Variants in CSMD1 observed in about 807,000 individuals in gnomAD.
CSMD1 encodes the protein CUB and Sushi multiple domains 1.
Under a neutral mutation model 417.5 loss-of-function variants are expected in CSMD1, and 213 were observed. That is an observed-to-expected ratio of 0.51 (90% CI 0.46 to 0.57). CSMD1 has a LOEUF of 0.57. Ranked by LOEUF, CSMD1 falls within the 20% of genes least tolerant of loss-of-function variation. The probability of loss-of-function intolerance (pLI) is 0.00; values close to 1 mark genes in which losing one functional copy is unlikely to be tolerated. For missense variants in CSMD1, 6,923 were observed against 4,529.7 expected (o/e 1.53, Z -15.17); for synonymous variants, 2,862 against 1,736.8 (o/e 1.65, Z -16.11).
intron 2 of CSMD1, among the ~76,000 whole-genome samples, chr8:4,520,236 C>G (rs1803366709): frequency 1.3e-5 from 2 of 152,010 alleles, no homozygotes; most frequent in African/African-American, 2.4e-5. Flanking sequence ...CTTATTTTAC[C>G]TGGGCTTTTG....
intron 4 of CSMD1, among the ~76,000 whole-genome samples, chr8:4,021,214 T>C (rs1362800290): frequency 6.6e-6 from 1 of 152,240 alleles, no homozygotes; most frequent in East Asian, 1.9e-4. Context: ...CACATCAGAT[T>C]TTGAAACTAG....
intron 3 of CSMD1, among the ~76,000 whole-genome samples, chr8:4,077,468 T>C (rs1032364612): frequency 1.3e-5 from 2 of 151,970 alleles, no homozygotes; most frequent in East Asian, 1.9e-4. Flanking sequence ...TACTCTTAAA[T>C]GTCTAGTTGA....
At chr8:4,222,952 A>T (rs1479469618) in intron 3 of CSMD1, among the ~76,000 whole-genome samples, 1 of 152,222 alleles carries the variant, frequency 6.6e-6, no homozygotes, top group African/African-American at 2.4e-5. Flanking sequence ...CATTTCTTAA[A>T]AAAAAAATAA....
At chr8:3,073,469 T>G (rs1418453009) in intron 49 of CSMD1, among the ~76,000 whole-genome samples, 2 of 152,176 alleles carry the variant, frequency 1.3e-5, no homozygotes, top group African/African-American at 4.8e-5. Flanking sequence ...AGATTCACTC[T>G]AGAATAGGAA....
intron 1 of CSMD1, among the ~76,000 whole-genome samples, chr8:4,870,408 A>T (rs541744782): frequency 6.6e-6 from 1 of 152,262 alleles, no homozygotes; most frequent in South Asian, 2.1e-4. Flanking sequence ...GCTAGACCTC[A>T]ATTTTCTTAA....
chr8:3,521,866 C>T (rs916367293), intron 10 of CSMD1, among the ~76,000 whole-genome samples: 11 of 152,130 alleles, frequency 7.2e-5, no homozygotes, highest in Non-Finnish European at 1.0e-4. Flanking sequence ...TCTAATACCG[C>T]GGAACAGTTT....
chr8:4,593,502 G>C (rs1403412827), intron 2 of CSMD1, among the ~76,000 whole-genome samples: 1 of 151,932 alleles, frequency 6.6e-6, no homozygotes, highest in Admixed American at 6.6e-5. Flanking sequence ...TTAGAGTCTT[G>C]GATTATTTTT....
chr8:4,539,492 C>T (rs1196423046), intron 2 of CSMD1, among the ~76,000 whole-genome samples: 1 of 152,112 alleles, frequency 6.6e-6, no homozygotes, highest in African/African-American at 2.4e-5. Flanking sequence ...AAATATCTTT[C>T]CCCCAAAATC....
chr8:3,489,289 C>T (rs895720886), intron 11 of CSMD1, among the ~76,000 whole-genome samples: 2 of 152,182 alleles, frequency 1.3e-5, no homozygotes, highest in Non-Finnish European at 2.9e-5. Context: ...ATCCACACAT[C>T]TGGTTAGGCA....
chr8:3,844,205 G>A (rs1187212494), intron 5 of CSMD1, among the ~76,000 whole-genome samples: 1 of 152,170 alleles, frequency 6.6e-6, no homozygotes. Flanking sequence ...TAAGAAGGGT[G>A]TTGAAGAATG....
At chr8:3,000,996 T>C (rs1360817129) in intron 52 of CSMD1, among the ~76,000 whole-genome samples, 1 of 151,976 alleles carries the variant, frequency 6.6e-6, no homozygotes, top group Non-Finnish European at 1.5e-5. Flanking sequence ...TTCTTTTTTT[T>C]TTTGGCAGGG....
At chr8:4,032,819 T>A (rs1197513575) in intron 3 of CSMD1, among the ~76,000 whole-genome samples, 2 of 152,208 alleles carry the variant, frequency 1.3e-5, no homozygotes, top group Non-Finnish European at 2.9e-5. Context: ...GTCAACCATC[T>A]GAATGGACAC....
chr8:4,466,320 A>C (rs1800166110), intron 2 of CSMD1, among the ~76,000 whole-genome samples: 1 of 152,130 alleles, frequency 6.6e-6, no homozygotes, highest in African/African-American at 2.4e-5. Flanking sequence ...CAGAAGAGGG[A>C]AGAAAGAAAG....
At chr8:3,618,550 A>G (rs1802258876) in intron 7 of CSMD1, among the ~76,000 whole-genome samples, 1 of 152,054 alleles carries the variant, frequency 6.6e-6, no homozygotes, top group East Asian at 1.9e-4. Context: ...TATTTTCTAA[A>G]TGTTTAATTT....
intron 5 of CSMD1, among the ~76,000 whole-genome samples, chr8:3,992,056 T>C (rs1251177651): frequency 2.6e-5 from 4 of 151,984 alleles, no homozygotes; most frequent in East Asian, 3.9e-4. Context: ...TACAATATCA[T>C]GTTAATTATA....
At chr8:3,260,116 C>T (rs1220844520) in intron 26 of CSMD1, among the ~76,000 whole-genome samples, 3 of 152,144 alleles carry the variant, frequency 2.0e-5, no homozygotes, top group African/African-American at 4.8e-5. Context: ...ATGTATATGG[C>T]ATTTCCCTTA....
intron 3 of CSMD1, among the ~76,000 whole-genome samples, chr8:4,159,780 G>C (rs979924673): frequency 1.1e-4 from 17 of 152,118 alleles, no homozygotes; most frequent in Non-Finnish European, 1.9e-4. Flanking sequence ...AGTAGAGATG[G>C]GGTTTCACCG....
At chr8:4,736,141 C>T (rs1462542904) in intron 1 of CSMD1, among the ~76,000 whole-genome samples, 1 of 152,150 alleles carries the variant, frequency 6.6e-6, no homozygotes, top group Non-Finnish European at 1.5e-5. Context: ...ACTGGATTAA[C>T]TCATTCTGTC....
rs190212778 is a variant in CSMD1 at position 3,255,564 on chromosome 8, A to T, written c.4154-25333T>A. ...TTGTTTACCTACTCAAGCCTGTGCAATGGTGGACGCCCCTCTCCCAGCCTT... is the reference window on the plus strand; with the variant it reads ...TTGTTTACCTACTCAAGCCTGTGCATTGGTGGACGCCCCTCTCCCAGCCTT... On this transcript the variant is annotated intron_variant, in intron 26 of 69. Transcript: ENST00000635120. Among the ~76,000 whole-genome samples, 442 of 152,222 alleles carry T rather than the reference A, an allele frequency of 2.9e-3. 2 individuals are homozygous for T. The highest frequency in any genetic ancestry group is 0.01 in the African/African-American group (421 of 41,538).
Sources: gnomAD v4.1 joint callset for allele counts (sites outside exome capture counted in the v4.1 genomes callset) on GRCh38, gnomAD v4.1.1 for gene constraint, MANE v1.5 for transcripts, NCBI Gene and HGNC (gene_info 2026-07-23, HGNC 2026-07-21) for gene names.